ATOSA: variants seen among roughly 807,000 people sequenced by gnomAD.
The protein encoded by ATOSA is atos homolog protein A.
chr15:52,672,027 C>T, the ATOSA span, among the ~76,000 whole-genome samples: 2 of 151,578 alleles, frequency 1.3e-5, no homozygotes, highest in South Asian at 2.1e-4. Flanking sequence ...TTACCTATTC[C>T]ATCCTGTTTT....
chr15:52,639,772 C>G, the ATOSA span, among the ~76,000 whole-genome samples: 1 of 152,070 alleles, frequency 6.6e-6, no homozygotes, highest in African/African-American at 2.4e-5. Flanking sequence ...TTTTTTTAGA[C>G]AAAGTCTTGG....
At chr15:52,607,116 A>G in the ATOSA span, among the ~76,000 whole-genome samples, 1 of 152,210 alleles carries the variant, frequency 6.6e-6, no homozygotes, top group South Asian at 2.1e-4. Flanking sequence ...TGAGTCTTGT[A>G]AAATTGAGGA....
At chr15:52,586,870 A>G in the ATOSA span, 1 of 279,992 alleles carries the variant, frequency 3.6e-6, no homozygotes. Context: ...GGCACCAGTA[A>G]TATTAGGTTC....
At chr15:52,598,095 A>G in the ATOSA span, among the ~76,000 whole-genome samples, 1 of 152,126 alleles carries the variant, frequency 6.6e-6, no homozygotes, top group Non-Finnish European at 1.5e-5. Context: ...TTGCACTCAG[A>G]CCTGGGGAAC....
At chr15:52,655,512 C>T in the ATOSA span, among the ~76,000 whole-genome samples, 42 of 152,234 alleles carry the variant, frequency 2.8e-4, no homozygotes, top group African/African-American at 9.6e-4. Flanking sequence ...GAACTAGGGA[C>T]CATCGATGTG....
chr15:52,701,650 A>G, the ATOSA span, among the ~76,000 whole-genome samples: 1 of 152,222 alleles, frequency 6.6e-6, no homozygotes. Flanking sequence ...TTTCTCCATA[A>G]TGTGGGCATA....
chr15:52,674,457 T>C, the ATOSA span, among the ~76,000 whole-genome samples: 1 of 152,184 alleles, frequency 6.6e-6, no homozygotes, highest in Non-Finnish European at 1.5e-5. Context: ...TGGAATAACA[T>C]TAAATTTTCC....
chr15:52,705,545 A>G, the ATOSA span, among the ~76,000 whole-genome samples: 1 of 149,844 alleles, frequency 6.7e-6, no homozygotes, highest in Admixed American at 6.7e-5. Context: ...GAAAAAAAAA[A>G]CTTTGTGGTT....
At chr15:52,605,376 G>T in the ATOSA span, 1 of 603,418 alleles carries the variant, frequency 1.7e-6, no homozygotes, top group Non-Finnish European at 2.8e-6. Flanking sequence ...GTGATATACA[G>T]GTGGGATATC....
the ATOSA span, among the ~76,000 whole-genome samples, chr15:52,681,902 T>C: frequency 6.6e-6 from 1 of 152,220 alleles, no homozygotes; most frequent in East Asian, 1.9e-4. Flanking sequence ...ACTTTATGAA[T>C]ACAAGGCTGT....
At chr15:52,582,316 A>G in the ATOSA span, 752 of 1,555,262 alleles carry the variant, frequency 4.8e-4, 1 homozygote, top group African/African-American at 9.7e-3. Context: ...ACCTAAACAA[A>G]TAAACAAAAT....
At chr15:52,639,885 G>A in the ATOSA span, among the ~76,000 whole-genome samples, 1 of 151,968 alleles carries the variant, frequency 6.6e-6, no homozygotes, top group South Asian at 2.1e-4. Context: ...CAAGTAGCTA[G>A]GATTACAGGC....
At chr15:52,597,257 ATTCTG>A in the ATOSA span, among the ~76,000 whole-genome samples, 1 of 131,704 alleles carries the variant, frequency 7.6e-6, no homozygotes, top group African/African-American at 2.7e-5. Flanking sequence ...TCTCTATTCT[ATTCTG>A]TTCTATTCTA....
chr15:52,703,787 A>T, the ATOSA span, among the ~76,000 whole-genome samples: 1 of 152,100 alleles, frequency 6.6e-6, no homozygotes, highest in Non-Finnish European at 1.5e-5. Context: ...CACATGTATA[A>T]CTATGTAACA....
chr15:52,597,305 T>C, the ATOSA span, among the ~76,000 whole-genome samples: 4 of 152,214 alleles, frequency 2.6e-5, no homozygotes, highest in Non-Finnish European at 5.9e-5. Flanking sequence ...AAAATTTATG[T>C]CCACATAAAA....
At chr15:52,602,186 G>A in the ATOSA span, among the ~76,000 whole-genome samples, 5 of 151,994 alleles carry the variant, frequency 3.3e-5, no homozygotes, top group East Asian at 1.9e-4. Flanking sequence ...CTATTGAGCC[G>A]ATCCTAGTTT....
At chr15:52,581,887 T>C in the ATOSA span, 6 of 312,028 alleles carry the variant, frequency 1.9e-5, no homozygotes, top group East Asian at 2.7e-4. Context: ...ACTGAGAAAA[T>C]GTGTAAACAC....
chr15:52,680,682 G>T, the ATOSA span, among the ~76,000 whole-genome samples: 145 of 152,288 alleles, frequency 9.5e-4, no homozygotes, highest in African/African-American at 3.2e-3. Context: ...TAATCAGAGC[G>T]GAGAGAACAT....
the ATOSA span, chr15:52,582,231 C>A: frequency 1.2e-6 from 2 of 1,602,966 alleles, no homozygotes; most frequent in African/African-American, 2.7e-5. Context: ...CCGCTATCAA[C>A]CTCCATTGAC....
Sources: allele counts gnomAD v4.1 joint callset (sites outside exome capture counted in the v4.1 genomes callset), GRCh38; gene constraint gnomAD v4.1.1; transcripts MANE v1.5; gene names NCBI Gene and HGNC (gene_info 2026-07-23, HGNC 2026-07-21).